Variants in EVI5 observed in about 807,000 individuals in gnomAD.
EVI5 encodes the protein ecotropic viral integration site 5, also known as ecotropic viral integration site 5 protein homolog.
Under a neutral mutation model 112.0 loss-of-function variants are expected in EVI5, and 73 were observed. The ratio of observed to expected loss-of-function variants is 0.65; its 90% CI spans 0.54 to 0.79. The LOEUF is 0.79. Among genes scored for constraint, EVI5 ranks in the 30% least tolerant of loss-of-function variants. The pLI, the probability that EVI5 is intolerant of heterozygous loss-of-function variation, is 0.00. For missense variants in EVI5, 900 were observed against 968.8 expected, an observed-to-expected ratio of 0.93 and a Z score of 0.94; for synonymous variants, 305 against 319.9, an observed-to-expected ratio of 0.95 and a Z score of 0.50.
intron 16 of EVI5, among the ~76,000 whole-genome samples, chr1:92,620,113 G>A (rs1158473396): frequency 6.6e-6 from 1 of 152,194 alleles, no homozygotes; most frequent in Non-Finnish European, 1.5e-5. Flanking sequence ...GGGAGGCCGA[G>A]ACGGGCGGAT....
chr1:92,591,498 A>C (rs1673883160), intron 18 of EVI5, among the ~76,000 whole-genome samples: 1 of 152,216 alleles, frequency 6.6e-6, no homozygotes, highest in African/African-American at 2.4e-5. Context: ...ACCAACAAAG[A>C]TCAAAAGAGA....
chr1:92,607,897 A>C (rs562044835), intron 16 of EVI5, among the ~76,000 whole-genome samples, 170 bp from the exon 17 acceptor site: 1 of 152,236 alleles, frequency 6.6e-6, no homozygotes, highest in African/African-American at 2.4e-5. Context: ...CTTTAAAATC[A>C]AGTCATTCAA....
At chr1:92,616,778 T>C (rs140499229) in intron 16 of EVI5, among the ~76,000 whole-genome samples, 10 of 152,252 alleles carry the variant, frequency 6.6e-5, no homozygotes, top group African/African-American at 1.4e-4. Flanking sequence ...TTGTTCATCA[T>C]AGTCATGAAG....
chr1:92,772,935 T>C (rs557628254), intron 1 of EVI5, among the ~76,000 whole-genome samples: 1 of 134,002 alleles, frequency 7.5e-6, no homozygotes, highest in South Asian at 2.4e-4. Flanking sequence ...GGGCCAGGCA[T>C]GGTGGCTCAC....
intron 10 of EVI5, among the ~76,000 whole-genome samples, chr1:92,667,861 C>A (rs942590752): frequency 5.3e-5 from 8 of 152,124 alleles, no homozygotes; most frequent in Non-Finnish European, 1.0e-4. Flanking sequence ...ATGATCCGCC[C>A]GCCTCAGCCT....
chr1:92,562,518 A>G (rs536734051), intron 19 of EVI5, among the ~76,000 whole-genome samples: 174 of 152,258 alleles, frequency 1.1e-3, no homozygotes, highest in African/African-American at 4.0e-3. Context: ...CGACAGAGCG[A>G]GACTCCGTCT....
intron 1 of EVI5, among the ~76,000 whole-genome samples, chr1:92,762,509 A>C (rs6696636): frequency 0.92 from 139,985 of 152,268 alleles, 64,429 homozygotes; most frequent in East Asian, 0.97. Context: ...CCTAAATGTT[A>C]TGACAACTAT....
chr1:92,669,006 T>G (rs1457272436), intron 10 of EVI5, among the ~76,000 whole-genome samples: 1 of 152,188 alleles, frequency 6.6e-6, no homozygotes. Flanking sequence ...CACTTGCACA[T>G]GACATTCAAT....
chr1:92,586,811 G>A (rs763831877), intron 18 of EVI5, among the ~76,000 whole-genome samples: 6 of 151,302 alleles, frequency 4.0e-5, no homozygotes, highest in Non-Finnish European at 5.9e-5. Context: ...AGCTACATAT[G>A]TATACATGTG....
chr1:92,511,191 G>A lies in EVI5; in HGVS notation c.*2465C>T, dbSNP rs1254289747. 3 of 152,154 alleles carry A rather than the reference G, an allele frequency of 2.0e-5. No individual in the cohort carries two copies. Among genetic ancestry groups the A allele is most frequent in the Non-Finnish European group, 4.4e-5 (3 of 68,040 alleles). The allele number at this position is 152,154 out of a possible 1,614,324, so 9.4% of individuals were successfully genotyped here. A position where few individuals can be genotyped will look rare whatever the true frequency, so the allele number is the denominator to read the frequency against. On this transcript the variant is annotated 3_prime_UTR_variant, in exon 20 of 20. Transcript: ENST00000684568. ...TGCCAGGTGTGGTGGCTTACGTCTA[G>A]TAATCCCAGCACTTTGGGAGGTCAA...
rs540711217 is a variant in EVI5 at position 92,563,637 on chromosome 1, C to T, written c.2166+5G>A. The T allele has an allele frequency of 2.7e-6, 4 of 1,503,206 alleles. No homozygotes were observed. The highest frequency in any genetic ancestry group is 3.7e-6 in the Non-Finnish European group (4 of 1,090,626). 93.1% of individuals were successfully genotyped at this position (1,503,206 alleles called of 1,614,324 possible). A position where few individuals can be genotyped will look rare whatever the true frequency, so the allele number is the denominator to read the frequency against. ...AATATGTGAAGATCAAAATTTATCACTTACCTCATGATTCAGCTCTGCTAT... is the reference window on the plus strand; with the variant it reads ...AATATGTGAAGATCAAAATTTATCATTTACCTCATGATTCAGCTCTGCTAT... On this transcript the variant is annotated splice_donor_5th_base_variant and intron_variant, in intron 19 of 19. Coordinates refer to ENST00000684568, the MANE Select transcript of EVI5 (RefSeq NM_001350197.2).
intron 16 of EVI5, among the ~76,000 whole-genome samples, chr1:92,619,543 T>C (rs1188494748): frequency 2.0e-5 from 3 of 151,848 alleles, no homozygotes; most frequent in Non-Finnish European, 4.4e-5. Flanking sequence ...GTGATTAATA[T>C]GCTAAAGGCT....
chr1:92,782,336 GA>G (rs758002259), intron 1 of EVI5, among the ~76,000 whole-genome samples: 65 of 151,588 alleles, frequency 4.3e-4, no homozygotes, highest in Non-Finnish European at 7.7e-4. Flanking sequence ...TTAAAAGACT[GA>G]AAAGGCAAAA....
At chr1:92,584,892 T>A (rs1351372870) in intron 18 of EVI5, among the ~76,000 whole-genome samples, 1 of 152,106 alleles carries the variant, frequency 6.6e-6, no homozygotes, top group East Asian at 1.9e-4. Context: ...AAGAGAAATA[T>A]ACATATACAC....
rs755727314 is a variant in EVI5, at chr1:92,625,828, C to CT, written c.1633dup (p.Arg545LysfsTer33). On this transcript the variant is annotated frameshift_variant, in exon 15 of 20. Coordinates refer to ENST00000684568, the MANE Select transcript of EVI5 (RefSeq NM_001350197.2). LOFTEE classifies it high-confidence loss of function. Reference sequence around the variant, plus strand: ...TTCCTCTAAATCCTTGACTTGCTGTCTAAGTTCTTTCAAACCCATAATGGC... The same window carrying CT: ...TTCCTCTAAATCCTTGACTTGCTGTCTTAAGTTCTTTCAAACCCATAATGGC... 6.2e-7 allele frequency: 1 copy of CT among 1,613,256 alleles called. No individual in the cohort carries two copies. Among genetic ancestry groups the CT allele is most frequent in the Non-Finnish European group, 8.5e-7 (1 of 1,179,448 alleles).
intron 9 of EVI5, among the ~76,000 whole-genome samples, chr1:92,692,198 A>G (rs1448447979): frequency 6.6e-6 from 1 of 152,226 alleles, no homozygotes; most frequent in Admixed American, 6.5e-5. Context: ...AAATCTGATA[A>G]GTAAACAGGA....
chr1:92,592,967 T>A (rs1022726867), intron 18 of EVI5, among the ~76,000 whole-genome samples: 4 of 152,232 alleles, frequency 2.6e-5, no homozygotes, highest in Non-Finnish European at 5.9e-5. Context: ...CCAGATGGAT[T>A]CACAGCCGAA....
chr1:92,744,314 A>C (rs1485546192), intron 1 of EVI5, among the ~76,000 whole-genome samples: 1 of 152,160 alleles, frequency 6.6e-6, no homozygotes, highest in East Asian at 1.9e-4. Context: ...TATATATATC[A>C]ATTAAATCCA....
At chr1:92,619,028 T>C (rs917286813) in intron 16 of EVI5, among the ~76,000 whole-genome samples, 1 of 152,204 alleles carries the variant, frequency 6.6e-6, no homozygotes, top group African/African-American at 2.4e-5. Context: ...AGATTATGTA[T>C]GATCTCAGGA....
Sources: allele counts gnomAD v4.1 joint callset (sites outside exome capture counted in the v4.1 genomes callset), GRCh38; gene constraint gnomAD v4.1.1; transcripts MANE v1.5; gene names NCBI Gene and HGNC (gene_info 2026-07-23, HGNC 2026-07-21).